Variants in PCDHA5 observed in about 807,000 individuals in gnomAD.
PCDHA5 encodes the protein protocadherin alpha 5, also known as protocadherin alpha-5.
A neutral mutation model predicts 61.6 loss-of-function variants in PCDHA5; 43 were observed. That is an observed-to-expected ratio of 0.70 (90% CI 0.55 to 0.90). The LOEUF is 0.90. Among genes scored for constraint, PCDHA5 ranks in the 40% least tolerant of loss-of-function variants. The pLI is 0.00. For synonymous variants in PCDHA5, 627 were observed against 543.9 expected, an observed-to-expected ratio of 1.15 and a Z score of -2.13; for missense variants, 1,298 against 1,222.7, an observed-to-expected ratio of 1.06 and a Z score of -0.92.
At chr5:140,953,928 C>T (rs246028) in intron 1 of PCDHA5, among the ~76,000 whole-genome samples, 85,608 of 151,876 alleles carry the variant, frequency 0.56, 24,758 homozygotes, top group African/African-American at 0.69. Flanking sequence ...CTTCCTGATG[C>T]TCTCCCTCCC....
In PCDHA5 at chr5:140,881,260, A is replaced by G. The variant is rs1223751140; in HGVS notation, c.2352+57133A>G. The G allele has an allele frequency of 7.6e-6, 4 of 528,232 alleles. No individual in the cohort carries two copies. In the African/African-American group the frequency reaches 8.2e-5, roughly 11 times the overall value. The allele number at this position is 528,232 out of a possible 1,614,324, so 32.7% of individuals were successfully genotyped here. On this transcript the variant is annotated intron_variant, in intron 1 of 3. Transcript: ENST00000529859. ...TTTAAATGACGGCAAGGTTTTACTC[A>G]GTGATGATGAAGTAAGATGGAGAGA... is the stretch of plus-strand genomic sequence containing the variant.
rs1554151138 is a variant in PCDHA5, at chr5:140,858,086, C to A, written c.2352+33959C>A. The A allele has an allele frequency of 2.5e-6, 4 of 1,597,802 alleles. 1 individual carries two copies. Among genetic ancestry groups the A allele is most frequent in the Non-Finnish European group, 2.6e-6 (3 of 1,167,670 alleles). On this transcript the variant is annotated intron_variant, in intron 1 of 3. Transcript: ENST00000529859. The stretch of plus-strand genomic sequence containing the variant: ...CAGCCAGGCACCCAAGGCCTCGTCG[C>A]GGGCTTCAGTGGGCGTGGCGCCCGA...
chr5:140,875,252 C>T, intron 1 of PCDHA5: 1 of 1,041,204 alleles, frequency 9.6e-7, no homozygotes, highest in East Asian at 2.7e-5. Context: ...TAATCAGTCA[C>T]ATGATGTCGC....
intron 1 of PCDHA5, among the ~76,000 whole-genome samples, chr5:140,845,743 T>C (rs2150214472): frequency 6.7e-6 from 1 of 149,754 alleles, no homozygotes; most frequent in East Asian, 1.9e-4. Flanking sequence ...ACTTTATAGA[T>C]TTATTTGTAT....
rs2040836417 is a variant in PCDHA5 at position 140,849,271 on chromosome 5, C to G, written c.2352+25144C>G. ...TTACCAGAAAACGTTTCTATCGGAA[C>G]GCTGGTGATTCACCCCAATGCCTCA... is the stretch of plus-strand genomic sequence containing the variant. On this transcript the variant is annotated intron_variant, in intron 1 of 3. Coordinates refer to ENST00000529859, the MANE Select transcript of PCDHA5 (RefSeq NM_018908.3). 10 of 1,147,158 alleles carry G rather than the reference C, an allele frequency of 8.7e-6. No individual in the cohort carries two copies. In the East Asian group the frequency reaches 2.3e-4, roughly 26 times the overall value. 71.1% of individuals were successfully genotyped at this position (1,147,158 alleles called of 1,614,324 possible).
At chr5:140,933,901 CAT>C (rs1354614736) in intron 1 of PCDHA5, among the ~76,000 whole-genome samples, 33 of 151,882 alleles carry the variant, frequency 2.2e-4, no homozygotes, top group African/African-American at 7.7e-4. Flanking sequence ...AATATTTTGG[CAT>C]AAAGTTGTTT....
intron 1 of PCDHA5, among the ~76,000 whole-genome samples, chr5:140,880,237 T>C (rs2058279701): frequency 6.6e-6 from 1 of 152,148 alleles, no homozygotes; most frequent in Non-Finnish European, 1.5e-5. Flanking sequence ...AATTAGTGTA[T>C]GTGCGTGTGT....
intron 1 of PCDHA5, chr5:140,884,831 A>G (rs918582598): frequency 4.3e-6 from 4 of 939,604 alleles, no homozygotes; most frequent in Non-Finnish European, 6.0e-6. Flanking sequence ...GTGTTGGATT[A>G]TCCTTCAGAG....
intron 1 of PCDHA5, among the ~76,000 whole-genome samples, chr5:140,922,711 A>G (rs2080951866): frequency 6.6e-6 from 1 of 152,270 alleles, no homozygotes; most frequent in Non-Finnish European, 1.5e-5. Flanking sequence ...GTCAAGAACA[A>G]AAAGAAACAC....
intron 1 of PCDHA5, among the ~76,000 whole-genome samples, chr5:140,975,592 C>A (rs2096673847): frequency 6.6e-6 from 1 of 152,170 alleles, no homozygotes; most frequent in Non-Finnish European, 1.5e-5. Context: ...TCCCAGAGGG[C>A]AATTTGTTGA....
At chr5:140,838,065 T>TTATA (rs144773480) in intron 1 of PCDHA5, among the ~76,000 whole-genome samples, 2 of 113,460 alleles carry the variant, frequency 1.8e-5, no homozygotes, top group Admixed American at 1.8e-4. Context: ...CCACTTTAAG[T>TTATA]TATATATATA....
At chr5:140,876,082 C>A in intron 1 of PCDHA5, 1 of 1,613,932 alleles carries the variant, frequency 6.2e-7, no homozygotes, top group Non-Finnish European at 8.5e-7. Context: ...GGACAGAGAG[C>A]AAACGCCAAA....
rs1296767379 is a variant in PCDHA5 at position 140,898,372 on chromosome 5, T to C, written c.2352+74245T>C. ...ATCTTGAATTAATTTTTGTATAAGG[T>C]GTAAGGAAGGGATCCAGTTTCAGCT... On this transcript the variant is annotated intron_variant, in intron 1 of 3. Coordinates refer to ENST00000529859, the MANE Select transcript of PCDHA5 (RefSeq NM_018908.3). Among the ~76,000 whole-genome samples, 5 of 152,320 alleles carry C rather than the reference T, an allele frequency of 3.3e-5. No individual in the cohort carries two copies. In the East Asian group the frequency reaches 9.6e-4, roughly 29 times the overall value.
intron 1 of PCDHA5, among the ~76,000 whole-genome samples, chr5:140,952,166 G>A (rs2094699360): frequency 6.6e-6 from 1 of 152,072 alleles, no homozygotes; most frequent in African/African-American, 2.4e-5. Flanking sequence ...GTGGGGTTCA[G>A]TTCCTGCAGC....
At chr5:140,926,654 C>G (rs2083445492) in intron 1 of PCDHA5, 1 of 514,022 alleles carries the variant, frequency 1.9e-6, no homozygotes, top group Non-Finnish European at 3.1e-6. Flanking sequence ...GCCGGCTCCG[C>G]TTTCCCAGAC....
intron 2 of PCDHA5, among the ~76,000 whole-genome samples, chr5:140,980,164 G>A (rs187011465): frequency 1.6e-3 from 238 of 152,226 alleles, no homozygotes; most frequent in Middle Eastern, 6.8e-3. Context: ...AGAATATTAG[G>A]TATCAGAAGA....
intron 3 of PCDHA5, among the ~76,000 whole-genome samples, chr5:141,000,397 A>C (rs590627): frequency 0.074 from 4,330 of 58,694 alleles, 135 homozygotes; most frequent in Non-Finnish European, 0.096. Flanking sequence ...CTCTCTCTCT[A>C]TATATATATA....
intron 1 of PCDHA5, among the ~76,000 whole-genome samples, chr5:140,888,659 C>A (rs1373585694): frequency 6.6e-6 from 1 of 152,198 alleles, no homozygotes; most frequent in Non-Finnish European, 1.5e-5. Context: ...AGGACACCAC[C>A]TAATGCCCTG....
At chr5:140,929,768 C>T (rs534287991) in intron 1 of PCDHA5, 1 of 175,482 alleles carries the variant, frequency 5.7e-6, no homozygotes, top group South Asian at 2.0e-4. Context: ...ACGATAACCA[C>T]AAAAGATGTA....
Sources: allele counts gnomAD v4.1 joint callset (sites outside exome capture counted in the v4.1 genomes callset), GRCh38; gene constraint gnomAD v4.1.1; transcripts MANE v1.5; gene names NCBI Gene and HGNC (gene_info 2026-07-23, HGNC 2026-07-21).